Variants in CHRM2 observed in about 807,000 individuals in gnomAD.
CHRM2 encodes muscarinic acetylcholine receptor M2.
A neutral mutation model predicts 25.0 loss-of-function variants in CHRM2; 8 were observed. The ratio of observed to expected loss-of-function variants is 0.32; its 90% CI spans 0.19 to 0.58. The LOEUF is 0.58. CHRM2 is among the 20% of genes least tolerant of loss of function. The pLI is 0.88. For synonymous variants in CHRM2, 202 were observed against 205.7 expected (o/e 0.98, Z 0.15); for missense variants, 440 against 567.1 (o/e 0.78, Z 2.28).
At chr7:136,934,211 T>C (rs559339613) in intron 2 of CHRM2, among the ~76,000 whole-genome samples, 4 of 152,288 alleles carry the variant, frequency 2.6e-5, no homozygotes, top group Non-Finnish European at 5.9e-5. Flanking sequence ...TACCATTATT[T>C]TTCTAGTCAC....
chr7:137,010,921 AGT>A (rs1367176714), intron 3 of CHRM2, among the ~76,000 whole-genome samples: 3 of 151,902 alleles, frequency 2.0e-5, no homozygotes, highest in African/African-American at 7.3e-5. Context: ...AAACAGAGCG[AGT>A]GTGTATAACT....
intron 2 of CHRM2, among the ~76,000 whole-genome samples, chr7:136,891,875 G>C (rs1051928774): frequency 6.6e-6 from 1 of 152,172 alleles, no homozygotes; most frequent in Non-Finnish European, 1.5e-5. Context: ...TGTGAATCCA[G>C]TCTGAAATAG....
chr7:136,908,418 T>A (rs555060843), intron 2 of CHRM2, among the ~76,000 whole-genome samples: 19 of 152,110 alleles, frequency 1.2e-4, no homozygotes, highest in African/African-American at 4.6e-4. Context: ...TTGTGTTTAC[T>A]CATAAACAAA....
chr7:136,935,126 A>G (rs1799336550), intron 2 of CHRM2, among the ~76,000 whole-genome samples: 1 of 152,164 alleles, frequency 6.6e-6, no homozygotes, highest in Non-Finnish European at 1.5e-5. Flanking sequence ...TAAATATAAG[A>G]AGAGCCAGGG....
chr7:136,901,890 G>A (rs1797230732), intron 2 of CHRM2: 3 of 151,932 alleles, frequency 2.0e-5, no homozygotes, highest in African/African-American at 7.3e-5. Flanking sequence ...AGAGCCCCGA[G>A]ATGTGACTTA....
intron 2 of CHRM2, among the ~76,000 whole-genome samples, chr7:136,942,867 TTTCTC>T (rs150253923): frequency 0.012 from 1,883 of 152,252 alleles, 34 homozygotes; most frequent in African/African-American, 0.043. Flanking sequence ...TCTCTTTTCT[TTTCTC>T]TTCAAAATTT....
At chr7:136,972,365 A>G (rs564616250) in intron 2 of CHRM2, among the ~76,000 whole-genome samples, 2 of 152,048 alleles carry the variant, frequency 1.3e-5, no homozygotes, top group East Asian at 3.9e-4. Context: ...GTTTTGTCCA[A>G]CCTAGAGGAT....
At chr7:136,909,369 G>A (rs111408635) in intron 2 of CHRM2, among the ~76,000 whole-genome samples, 7 of 151,964 alleles carry the variant, frequency 4.6e-5, no homozygotes, top group African/African-American at 1.7e-4. Flanking sequence ...GGTAACAGAC[G>A]ATAGTATTTA....
rs1805347056 is a variant in CHRM2 at position 137,019,923 on chromosome 7, C to G, written c.*3657C>G. Reference sequence around the variant, plus strand: ...TGCAGTCTGTTTTTATTTTCTCCTACTTAGTTCATTGACAGTTTCCTCCTC... The same window carrying G: ...TGCAGTCTGTTTTTATTTTCTCCTAGTTAGTTCATTGACAGTTTCCTCCTC... On this transcript the variant is annotated 3_prime_UTR_variant, in exon 4 of 4. Transcript: ENST00000680005. 2 of 151,862 alleles carry G rather than the reference C, an allele frequency of 1.3e-5. No homozygotes were observed. Among genetic ancestry groups the G allele is most frequent in the Non-Finnish European group, 2.9e-5 (2 of 67,894 alleles). 9.4% of individuals were successfully genotyped at this position (151,862 alleles called of 1,614,324 possible).
intron 2 of CHRM2, among the ~76,000 whole-genome samples, chr7:136,928,385 A>T (rs1798863381): frequency 6.6e-6 from 1 of 152,186 alleles, no homozygotes; most frequent in South Asian, 2.1e-4. Context: ...TAGAGACTGG[A>T]AAGTAGTAGA....
At chr7:136,981,156 C>T (rs1258068116) in intron 2 of CHRM2, among the ~76,000 whole-genome samples, 3 of 152,092 alleles carry the variant, frequency 2.0e-5, no homozygotes, top group Admixed American at 1.3e-4. Context: ...CAACTTCTTC[C>T]TGGTTTAGTC....
At chr7:137,007,543 C>T (rs1804528007) in intron 3 of CHRM2, among the ~76,000 whole-genome samples, 2 of 152,060 alleles carry the variant, frequency 1.3e-5, no homozygotes, top group African/African-American at 4.8e-5. Context: ...TGTACAATGA[C>T]TCATAATGTG....
chr7:136,971,519 A>T (rs1315156404), intron 2 of CHRM2, among the ~76,000 whole-genome samples: 1 of 148,770 alleles, frequency 6.7e-6, no homozygotes, highest in East Asian at 2.1e-4. Context: ...TGGGAGACTG[A>T]GGTGGGAGAA....
At chr7:136,888,524 G>T (rs1796560578) in intron 2 of CHRM2, among the ~76,000 whole-genome samples, 1 of 152,070 alleles carries the variant, frequency 6.6e-6, no homozygotes, top group African/African-American at 2.4e-5. Context: ...CCAATCATCA[G>T]CATTCACCCT....
Position 136,933,637 on chromosome 7 carries a change from C to G in CHRM2, c.-124-58550C>G, listed in dbSNP as rs543119912. 2.0e-5 allele frequency among the ~76,000 whole-genome samples: 3 copies of G among 152,156 alleles called. No individual in the cohort carries two copies. In the South Asian group the frequency reaches 6.2e-4, roughly 32 times the overall value. On this transcript the variant is annotated intron_variant, in intron 2 of 3. Transcript: ENST00000680005. The stretch of plus-strand genomic sequence containing the variant: ...GTACATGAATGTTCACAGCAGTACT[C>G]TTTATAATAATCAAAAAGTGGAAAT...
chr7:136,936,405 G>A (rs1013809237), intron 2 of CHRM2, among the ~76,000 whole-genome samples: 5 of 152,072 alleles, frequency 3.3e-5, no homozygotes, highest in Admixed American at 6.5e-5. Context: ...AACTACAAAC[G>A]TCACAACACA....
At chr7:136,999,611 T>C (rs1372137226) in intron 3 of CHRM2, among the ~76,000 whole-genome samples, 3 of 150,692 alleles carry the variant, frequency 2.0e-5, no homozygotes, top group South Asian at 2.1e-4. Context: ...TGTGTTCTCA[T>C]TGTTCAATTC....
rs1218562991 is a variant in CHRM2, at chr7:137,018,649, C to A, written c.*2383C>A. On this transcript the variant is annotated 3_prime_UTR_variant, in exon 4 of 4. Coordinates refer to ENST00000680005, the MANE Select transcript of CHRM2 (RefSeq NM_001006630.2). ...TCTAATAATCCAACGCACCATGAAT[C>A]AAGCTTTTAGTCTCTGCTGCCATTG... The A allele has an allele frequency of 6.6e-6, 1 of 151,860 alleles. No individual in the cohort carries two copies. The allele number at this position is 151,860 out of a possible 1,614,324, so 9.4% of individuals were successfully genotyped here. A position where few individuals can be genotyped will look rare whatever the true frequency, so the allele number is the denominator to read the frequency against.
At chr7:136,952,102 C>A (rs561052701) in intron 2 of CHRM2, among the ~76,000 whole-genome samples, 1 of 152,054 alleles carries the variant, frequency 6.6e-6, no homozygotes, top group Non-Finnish European at 1.5e-5. Flanking sequence ...GGTCCCACTT[C>A]GACAAGGGCA....
Sources: allele counts gnomAD v4.1 joint callset (sites outside exome capture counted in the v4.1 genomes callset), GRCh38; gene constraint gnomAD v4.1.1; transcripts MANE v1.5; gene names NCBI Gene and HGNC (gene_info 2026-07-23, HGNC 2026-07-21).